Variants in RELN observed in about 807,000 individuals in gnomAD.
RELN encodes reelin.
In RELN, 108 loss-of-function variants were observed where a neutral mutation model predicts 427.6. The observed-to-expected ratio is 0.25, with a 90% confidence interval of 0.22 to 0.30. The LOEUF (loss-of-function observed/expected upper bound fraction) is 0.30. Among genes scored for constraint, RELN ranks in the 10% least tolerant of loss-of-function variants. The pLI is 1.00. For missense variants in RELN, 3,715 were observed against 4,302.8 expected (o/e 0.86, Z 3.82); for synonymous variants, 1,524 against 1,513.4 (o/e 1.01, Z -0.16).
chr7:103,598,601 A>G (rs1831593703), intron 24 of RELN, among the ~76,000 whole-genome samples: 2 of 152,214 alleles, frequency 1.3e-5, no homozygotes, highest in Non-Finnish European at 2.9e-5. Context: ...AATTCAGAGT[A>G]GTGTTGTTTT....
chr7:103,956,286 C>T (rs892951842), intron 1 of RELN, among the ~76,000 whole-genome samples: 3 of 152,108 alleles, frequency 2.0e-5, no homozygotes, highest in Non-Finnish European at 4.4e-5. Flanking sequence ...AAAGCTGTTA[C>T]CTGAAATGAA....
At chr7:103,632,830 A>G (rs939096327) in intron 19 of RELN, among the ~76,000 whole-genome samples, 4 of 152,152 alleles carry the variant, frequency 2.6e-5, no homozygotes, top group South Asian at 2.1e-4. Context: ...ACAATGATAT[A>G]CACTATGGAA....
At chr7:103,758,139 T>C (rs1243586185) in intron 4 of RELN, among the ~76,000 whole-genome samples, 1 of 152,204 alleles carries the variant, frequency 6.6e-6, no homozygotes, top group Non-Finnish European at 1.5e-5. Context: ...TCATTCAGAA[T>C]AACCATACAT....
At chr7:103,760,181 T>C (rs1434584652) in intron 4 of RELN, among the ~76,000 whole-genome samples, 1 of 151,892 alleles carries the variant, frequency 6.6e-6, no homozygotes, top group Non-Finnish European at 1.5e-5. Context: ...AGTATCTCAA[T>C]ATTAAATTGA....
intron 2 of RELN, among the ~76,000 whole-genome samples, chr7:103,900,876 G>T (rs1351636328): frequency 6.6e-6 from 1 of 151,632 alleles, no homozygotes; most frequent in East Asian, 1.9e-4. Flanking sequence ...TAAGAAATAG[G>T]ACCATAAAAA....
chr7:103,603,639 G>T lies in RELN; in HGVS notation c.3147-149C>A. 1 of 703,792 alleles carries T rather than the reference G, an allele frequency of 1.4e-6. No homozygotes were observed. The highest frequency in any genetic ancestry group is 1.5e-5 in the South Asian group (1 of 66,534). The allele number at this position is 703,792 out of a possible 1,614,324, so 43.6% of individuals were successfully genotyped here. A position where few individuals can be genotyped will look rare whatever the true frequency, so the allele number is the denominator to read the frequency against. On this transcript the variant is annotated intron_variant, in intron 23 of 64. Transcript: ENST00000428762. This position sits in a 1 kb window ranked among gnomAD's most constrained non-coding sequence, Gnocchi z 4.3. The stretch of plus-strand genomic sequence containing the variant: ...CCCTACAGTGTTAATCTGGGTATGC[G>T]GTAGTAACAACCCTCAGTTTTTCAT...
rs1281322989 is a variant in RELN, at chr7:103,512,496, A to G, written c.8120-1491T>C. Among the ~76,000 whole-genome samples, 4 of 152,184 alleles carry G rather than the reference A, an allele frequency of 2.6e-5. No individual in the cohort carries two copies. In the East Asian group the frequency reaches 7.7e-4, roughly 29 times the overall value. The stretch of plus-strand genomic sequence containing the variant: ...CTGATTAACAGTTAACACTTTGAGG[A>G]AATGTACTCATCAAGATACTACTGA... On this transcript the variant is annotated intron_variant, in intron 50 of 64. Coordinates refer to ENST00000428762, the MANE Select transcript of RELN (RefSeq NM_005045.4).
intron 2 of RELN, among the ~76,000 whole-genome samples, chr7:103,871,770 T>C (rs1794340597): frequency 1.3e-5 from 2 of 152,046 alleles, no homozygotes; most frequent in South Asian, 4.1e-4. Context: ...AAACAACATT[T>C]TGGCAACCAC....
intron 28 of RELN, among the ~76,000 whole-genome samples, chr7:103,584,199 C>T (rs968175814): frequency 6.6e-6 from 1 of 152,218 alleles, no homozygotes; most frequent in African/African-American, 2.4e-5. Flanking sequence ...ACAAAAGGCA[C>T]AGAATTTCAC....
intron 51 of RELN, among the ~76,000 whole-genome samples, chr7:103,506,967 C>A (rs1181308823): frequency 1.3e-5 from 2 of 152,118 alleles, no homozygotes; most frequent in Non-Finnish European, 2.9e-5. Context: ...AAGGAATCAA[C>A]GCAACAAGAA....
At chr7:103,776,713 C>T (rs1292401588) in intron 3 of RELN, 86 bp from the exon 4 acceptor site, 2 of 1,309,056 alleles carry the variant, frequency 1.5e-6, no homozygotes, top group Non-Finnish European at 2.2e-6. Context: ...AAAGCTTATT[C>T]TTAAACTTTA....
chr7:103,775,673 T>A (rs113960919), intron 4 of RELN, among the ~76,000 whole-genome samples: 7 of 152,300 alleles, frequency 4.6e-5, no homozygotes, highest in African/African-American at 1.7e-4. Flanking sequence ...GAAAATGGCA[T>A]GACATTTACA....
At chr7:103,916,451 T>C (rs747410607) in intron 2 of RELN, among the ~76,000 whole-genome samples, 2 of 152,146 alleles carry the variant, frequency 1.3e-5, no homozygotes, top group Non-Finnish European at 2.9e-5. Flanking sequence ...CAGCCTGGCA[T>C]GTTTAACAGC....
At chr7:103,983,681 TAGATA>T (rs1274964555) in intron 1 of RELN, among the ~76,000 whole-genome samples, 1 of 152,194 alleles carries the variant, frequency 6.6e-6, no homozygotes, top group African/African-American at 2.4e-5. Flanking sequence ...TGAAAATACT[TAGATA>T]AGTCAATTTG....
chr7:103,708,464 C>CTTTTTTTTTTTTTTTTTTTTTTTTTTT (rs745955015), intron 8 of RELN, among the ~76,000 whole-genome samples: 2 of 110,104 alleles, frequency 1.8e-5, no homozygotes, highest in African/African-American at 4.4e-5. Context: ...GGGTATGACT[C>CTTTTTTTTTTTTTTTTTTTTTTTTTTT]TTTTTTTTTT....
chr7:103,664,303 G>A (rs1412961923), intron 11 of RELN, among the ~76,000 whole-genome samples: 1 of 152,150 alleles, frequency 6.6e-6, no homozygotes, highest in Non-Finnish European at 1.5e-5. Flanking sequence ...ATATGCATGT[G>A]GGAATTTCCC....
chr7:103,848,174 A>C (rs757755935), intron 2 of RELN, among the ~76,000 whole-genome samples: 12 of 152,154 alleles, frequency 7.9e-5, no homozygotes, highest in Middle Eastern at 3.2e-3. Context: ...CATCACTTCT[A>C]CTAGGGTTTC....
At chr7:103,543,287 AC>A (rs1830214963) in intron 42 of RELN, among the ~76,000 whole-genome samples, 1 of 152,212 alleles carries the variant, frequency 6.6e-6, no homozygotes, top group Non-Finnish European at 1.5e-5. Flanking sequence ...GGCAGGGACA[AC>A]AAAATATTTA....
intron 2 of RELN, among the ~76,000 whole-genome samples, chr7:103,889,302 G>C (rs950058862): frequency 6.6e-6 from 1 of 152,172 alleles, no homozygotes; most frequent in Non-Finnish European, 1.5e-5. Flanking sequence ...AGCTACACGG[G>C]AATGTTCATG....
Sources: gnomAD v4.1 joint callset for allele counts (sites outside exome capture counted in the v4.1 genomes callset) on GRCh38, gnomAD v4.1.1 for gene constraint, Gnocchi (gnomAD v3.1) non-coding constraint, MANE v1.5 for transcripts, NCBI Gene and HGNC (gene_info 2026-07-23, HGNC 2026-07-21) for gene names.